Variants in SSR3 observed in about 807,000 individuals in gnomAD.
SSR3 encodes signal sequence receptor subunit 3.
In SSR3, 10 loss-of-function variants were observed where a neutral mutation model predicts 22.1. The observed-to-expected ratio is 0.45, with a 90% CI of 0.28 to 0.77. SSR3 has a LOEUF of 0.77. SSR3 is among the 30% of genes least tolerant of loss of function. The probability of loss-of-function intolerance (pLI) is 0.13; values close to 1 mark genes in which losing one functional copy is unlikely to be tolerated. For synonymous variants in SSR3, 104 were observed against 82.5 expected (o/e 1.26, Z -1.42); for missense variants, 181 against 220.5 (o/e 0.82, Z 1.13).
intron 3 of SSR3, among the ~76,000 whole-genome samples, chr3:156,545,894 A>G (rs1317857463): frequency 6.6e-6 from 1 of 152,230 alleles, no homozygotes; most frequent in Admixed American, 6.5e-5. Flanking sequence ...ATGGTTTAAC[A>G]CTAGAATGAA....
chr3:156,551,450 G>C (rs1250008812), intron 2 of SSR3: 1 of 152,110 alleles, frequency 6.6e-6, no homozygotes. Context: ...TGCCTCACAG[G>C]AAACAGTCCC....
In SSR3 at chr3:156,545,921, C is replaced by G. The variant is rs114515043; in HGVS notation, c.360-1482G>C. 2.1e-3 allele frequency among the ~76,000 whole-genome samples: 318 copies of G among 152,320 alleles called. 1 individual carries two copies. Among genetic ancestry groups the G allele is most frequent in the African/African-American group, 7.4e-3 (309 of 41,566 alleles). Reference sequence around the variant, plus strand: ...TAGAATGAACACTCAGGACAACTGCCTCCATTTTTAAGACTCCGGCATGAG... The same window carrying G: ...TAGAATGAACACTCAGGACAACTGCGTCCATTTTTAAGACTCCGGCATGAG... On this transcript the variant is annotated intron_variant, in intron 3 of 4. Coordinates refer to ENST00000265044, the MANE Select transcript of SSR3 (RefSeq NM_007107.5).
chr3:156,552,941 G>A (rs538323651), intron 2 of SSR3, among the ~76,000 whole-genome samples: 136 of 151,490 alleles, frequency 9.0e-4, no homozygotes, highest in African/African-American at 3.3e-3. Flanking sequence ...TCTAAAAGCT[G>A]TATTTTACAG....
intron 2 of SSR3, chr3:156,551,319 A>C (rs914333210): frequency 1.3e-5 from 2 of 152,210 alleles, no homozygotes; most frequent in African/African-American, 4.8e-5. Context: ...ATGAATGAAA[A>C]ATGTTATGAA....
At chr3:156,554,925 C>T (rs1438088732) in intron 1 of SSR3, 32 bp downstream of exon 1, 1 of 1,600,980 alleles carries the variant, frequency 6.2e-7, no homozygotes, top group Admixed American at 1.7e-5. Context: ...TAGCCGGCGG[C>T]CTGCCTAACC....
chr3:156,544,036 T>C (rs1719666511), intron 4 of SSR3: 1 of 381,556 alleles, frequency 2.6e-6, no homozygotes, highest in Non-Finnish European at 4.6e-6. Flanking sequence ...GCTTTGGCTC[T>C]TTGGAGCTTT....
At chr3:156,544,503 A>G (rs546343072) in intron 3 of SSR3, 64 bp from the exon 4 acceptor site, 2 of 1,348,892 alleles carry the variant, frequency 1.5e-6, no homozygotes, top group South Asian at 1.8e-5. Flanking sequence ...TTTAAGTACC[A>G]TATGGCTCTA....
chr3:156,546,258 TCA>T (rs1221484383), intron 3 of SSR3, among the ~76,000 whole-genome samples: 1 of 152,224 alleles, frequency 6.6e-6, no homozygotes, highest in Non-Finnish European at 1.5e-5. Context: ...CTGTGCTCAC[TCA>T]CTCTCCTGCC....
At chr3:156,549,092 G>A (rs1719861657) in intron 2 of SSR3, 89 bp from the exon 3 acceptor site, 6 of 1,239,724 alleles carry the variant, frequency 4.8e-6, no homozygotes, top group South Asian at 1.7e-5. Context: ...CTCATATTTC[G>A]TACTGGCAAC....
intron 3 of SSR3, 22 bp downstream of exon 3, chr3:156,548,883 A>G: frequency 6.2e-7 from 1 of 1,611,000 alleles, no homozygotes; most frequent in Non-Finnish European, 8.5e-7. Context: ...TATGATGGCC[A>G]TACTTTAAAC....
chr3:156,540,013 G>A lies in SSR3; in HGVS notation c.*3190C>T, dbSNP rs942025932. On this transcript the variant is annotated 3_prime_UTR_variant, in exon 5 of 5. Coordinates refer to ENST00000265044, the MANE Select transcript of SSR3 (RefSeq NM_007107.5). The stretch of plus-strand genomic sequence containing the variant: ...TACCAAACCTGCATGGTCAGCACAT[G>A]TATCCCAGAACTTAAAGTAAAATAA... 2.6e-5 allele frequency: 4 copies of A among 152,036 alleles called. No homozygotes were observed. The highest frequency in any genetic ancestry group is 5.9e-5 in the Non-Finnish European group (4 of 68,024). The allele number at this position is 152,036 out of a possible 1,614,324, so 9.4% of individuals were successfully genotyped here. A position where few individuals can be genotyped will look rare whatever the true frequency, so the allele number is the denominator to read the frequency against.
chr3:156,540,202 A>G lies in SSR3; in HGVS notation c.*3001T>C, dbSNP rs554678897. The G allele has an allele frequency of 1.2e-3, 182 of 152,362 alleles. No individual in the cohort carries two copies. The highest frequency in any genetic ancestry group is 4.2e-3 in the African/African-American group (173 of 41,592). 9.4% of individuals were successfully genotyped at this position (152,362 alleles called of 1,614,324 possible). A position where few individuals can be genotyped will look rare whatever the true frequency, so the allele number is the denominator to read the frequency against. ...GCAAGACTTTTCACAAGAATTGAGT[A>G]TAAATTCAATCTCCATATTTCAGTT... On this transcript the variant is annotated 3_prime_UTR_variant, in exon 5 of 5. Transcript: ENST00000265044.
chr3:156,544,804 T>C (rs1719702761), intron 3 of SSR3, among the ~76,000 whole-genome samples: 1 of 152,196 alleles, frequency 6.6e-6, no homozygotes, highest in South Asian at 2.1e-4. Flanking sequence ...CTGTGGAGTT[T>C]CCTTGGCTAT....
chr3:156,552,579 T>C (rs1720001638), intron 2 of SSR3, among the ~76,000 whole-genome samples: 1 of 152,126 alleles, frequency 6.6e-6, no homozygotes, highest in African/African-American at 2.4e-5. Context: ...GAAAAGATAA[T>C]GCACATACAA....
intron 3 of SSR3, among the ~76,000 whole-genome samples, chr3:156,545,484 T>C (rs1360684864): frequency 6.6e-6 from 1 of 152,210 alleles, no homozygotes; most frequent in Admixed American, 6.5e-5. Context: ...TGGAGTCAGA[T>C]GACACATCCC....
At chr3:156,553,627 C>T (rs139562483) in intron 2 of SSR3, 28 bp downstream of exon 2, 16,965 of 1,604,922 alleles carry the variant, frequency 0.011, 120 homozygotes, top group Middle Eastern at 0.018. Context: ...ACATGTAGTA[C>T]GTACTTTCAC....
chr3:156,549,033 TC>T lies in SSR3; in HGVS notation c.261-31del, dbSNP rs772294506. The T allele has an allele frequency of 5.6e-6, 9 of 1,598,618 alleles. No homozygotes were observed. In the East Asian group the frequency reaches 1.8e-4, roughly 32 times the overall value. On this transcript the variant is annotated intron_variant, in intron 2 of 4. Transcript: ENST00000265044. Reference sequence around the variant, plus strand: ...AAGAAAAAGAAAAAAAGAAAAAGTTTCCATATGCTACAGAGGTGAACATCAC... The same window carrying T: ...AAGAAAAAGAAAAAAAGAAAAAGTTTCATATGCTACAGAGGTGAACATCAC...
chr3:156,546,666 G>T (rs554923536), intron 3 of SSR3, among the ~76,000 whole-genome samples: 80 of 152,294 alleles, frequency 5.3e-4, no homozygotes, highest in African/African-American at 1.9e-3. Flanking sequence ...TTTCTTCCTA[G>T]TAGGGAACGT....
intron 3 of SSR3, among the ~76,000 whole-genome samples, chr3:156,546,127 C>G (rs1168797907): frequency 1.3e-5 from 2 of 152,220 alleles, no homozygotes; most frequent in African/African-American, 4.8e-5. Context: ...GTAATCCCCA[C>G]ATGTTGAGGG....
Sources: allele counts gnomAD v4.1 joint callset (sites outside exome capture counted in the v4.1 genomes callset), GRCh38; gene constraint gnomAD v4.1.1; transcripts MANE v1.5; gene names NCBI Gene and HGNC (gene_info 2026-07-23, HGNC 2026-07-21).